The following MAGI1 variants were observed in gnomAD, a reference collection of about 807,000 sequenced individuals.
MAGI1 encodes the protein membrane associated guanylate kinase, WW and PDZ domain containing 1.
MAGI1 carries 58 observed loss-of-function variants against 139.9 expected under a neutral mutation model. The ratio of observed to expected loss-of-function variants is 0.41; its 90% confidence interval spans 0.34 to 0.52. The LOEUF is 0.52. MAGI1 is among the 20% of genes least tolerant of loss of function. The pLI, the probability that MAGI1 is intolerant of heterozygous loss-of-function variation, is 0.12. For missense variants in MAGI1, 1,874 were observed against 1,901.6 expected, an observed-to-expected ratio of 0.99 and a Z score of 0.27; for synonymous variants, 812 against 737.9, an observed-to-expected ratio of 1.10 and a Z score of -1.63.
intron 1 of MAGI1, among the ~76,000 whole-genome samples, chr3:66,016,015 C>T (rs1338615287): frequency 6.6e-6 from 1 of 152,076 alleles, no homozygotes; most frequent in Non-Finnish European, 1.5e-5. Flanking sequence ...TTTGGTCCAA[C>T]AAATTCAGCT....
intron 1 of MAGI1, among the ~76,000 whole-genome samples, chr3:65,845,312 A>G (rs1559936486): frequency 6.6e-6 from 1 of 152,112 alleles, no homozygotes; most frequent in Non-Finnish European, 1.5e-5. Flanking sequence ...ATCCTTGGGC[A>G]CATAGAGTGT....
At chr3:65,937,549 G>A (rs1335825861) in intron 1 of MAGI1, among the ~76,000 whole-genome samples, 7 of 152,200 alleles carry the variant, frequency 4.6e-5, no homozygotes, top group African/African-American at 9.6e-5. Flanking sequence ...CACAGGCACC[G>A]GCAGCCTCTG....
chr3:65,574,362 A>C (rs1489367589), intron 2 of MAGI1, among the ~76,000 whole-genome samples: 2 of 151,112 alleles, frequency 1.3e-5, no homozygotes, highest in African/African-American at 4.9e-5. Flanking sequence ...AAAAATTTTA[A>C]CACAGCATTT....
chr3:65,967,571 T>C (rs912831278), intron 1 of MAGI1, among the ~76,000 whole-genome samples: 1 of 152,204 alleles, frequency 6.6e-6, no homozygotes, highest in Non-Finnish European at 1.5e-5. Flanking sequence ...GCTGTAAAAC[T>C]GGGTCCTCTG....
At chr3:65,707,028 C>T (rs1024385851) in intron 1 of MAGI1, among the ~76,000 whole-genome samples, 5 of 152,104 alleles carry the variant, frequency 3.3e-5, no homozygotes, top group Admixed American at 3.3e-4. Context: ...GCATGGCAGT[C>T]GGATAAACTA....
intron 1 of MAGI1, among the ~76,000 whole-genome samples, chr3:65,629,998 T>C (rs548904543): frequency 1.1e-3 from 163 of 152,318 alleles, no homozygotes; most frequent in African/African-American, 3.7e-3. Context: ...ATTTTAAAAA[T>C]ACACAAACGT....
chr3:65,432,173 T>G (rs991018233), intron 10 of MAGI1, among the ~76,000 whole-genome samples: 1 of 152,172 alleles, frequency 6.6e-6, no homozygotes, highest in Non-Finnish European at 1.5e-5. Context: ...AGAAACTTAC[T>G]GGAACTTCTC....
intron 1 of MAGI1, among the ~76,000 whole-genome samples, chr3:65,835,208 G>T (rs528802915): frequency 1.6e-4 from 24 of 152,028 alleles, no homozygotes; most frequent in Non-Finnish European, 2.6e-4. Flanking sequence ...TTTTTTAAAA[G>T]CTCTATTTTG....
intron 1 of MAGI1, among the ~76,000 whole-genome samples, chr3:65,815,183 G>T (rs1057385145): frequency 2.0e-5 from 3 of 152,192 alleles, no homozygotes; most frequent in Admixed American, 6.6e-5. Flanking sequence ...GGACTGAATA[G>T]AAGTTCCTTT....
Position 65,639,420 on chromosome 3 carries a change from C to T in MAGI1, c.314-17332G>A, listed in dbSNP as rs867053105. ...AATAACGAAATAGAAGAACTCTGGG[C>T]AAGGAGTCAGGGGGCCTGGATTTGA... On this transcript the variant is annotated intron_variant, in intron 1 of 22. Transcript: ENST00000402939. 6.6e-5 allele frequency among the ~76,000 whole-genome samples: 10 copies of T among 152,080 alleles called. No homozygotes were observed. The South Asian group carries it at 1.0e-3, about 16-fold the overall frequency.
chr3:65,834,777 T>C (rs534887168), intron 1 of MAGI1, among the ~76,000 whole-genome samples: 101 of 152,362 alleles, frequency 6.6e-4, no homozygotes, highest in Admixed American at 1.6e-3. Flanking sequence ...TGCATAGGCA[T>C]TTAGAATTGC....
intron 1 of MAGI1, among the ~76,000 whole-genome samples, chr3:65,737,240 C>T (rs1262795464): frequency 2.6e-5 from 4 of 152,166 alleles, no homozygotes; most frequent in Non-Finnish European, 4.4e-5. Context: ...CTCCTGACCT[C>T]GTGATCCACC....
At chr3:65,486,568 T>C (rs1430459647) in intron 3 of MAGI1, among the ~76,000 whole-genome samples, 2 of 152,212 alleles carry the variant, frequency 1.3e-5, no homozygotes, top group African/African-American at 2.4e-5. Flanking sequence ...AGTGCCACAA[T>C]TAGGAAGTTG....
At chr3:65,584,360 T>C (rs2081576083) in intron 2 of MAGI1, among the ~76,000 whole-genome samples, 1 of 152,086 alleles carries the variant, frequency 6.6e-6, no homozygotes, top group African/African-American at 2.4e-5. Context: ...CCTGGTTTCT[T>C]GGAGAAAGAA....
intron 1 of MAGI1, among the ~76,000 whole-genome samples, chr3:65,644,038 T>G (rs1038830763): frequency 2.0e-5 from 3 of 152,118 alleles, no homozygotes; most frequent in African/African-American, 7.2e-5. Flanking sequence ...CTGCCCCACA[T>G]AGCAGTAATA....
intron 1 of MAGI1, among the ~76,000 whole-genome samples, chr3:65,627,707 C>T (rs1011942159): frequency 2.0e-5 from 3 of 151,432 alleles, no homozygotes; most frequent in African/African-American, 7.3e-5. Flanking sequence ...GGGGTTTCAC[C>T]GTGCTAGCCA....
chr3:66,033,908 C>T (rs756858505), intron 1 of MAGI1, among the ~76,000 whole-genome samples: 3 of 152,176 alleles, frequency 2.0e-5, no homozygotes, highest in Admixed American at 6.5e-5. Flanking sequence ...AAGGATTTCA[C>T]GAGCACAAAT....
chr3:65,851,283 A>T (rs2059192734), intron 1 of MAGI1, among the ~76,000 whole-genome samples: 1 of 152,154 alleles, frequency 6.6e-6, no homozygotes, highest in Non-Finnish European at 1.5e-5. Flanking sequence ...TCATATACAT[A>T]AAAGTGCTCT....
At chr3:65,703,359 G>A (rs1229255245) in intron 1 of MAGI1, among the ~76,000 whole-genome samples, 1 of 152,002 alleles carries the variant, frequency 6.6e-6, no homozygotes, top group Non-Finnish European at 1.5e-5. Context: ...AGATTGCCCT[G>A]GACAAGTTTT....
Sources: allele counts gnomAD v4.1 joint callset (sites outside exome capture counted in the v4.1 genomes callset), GRCh38; gene constraint gnomAD v4.1.1; transcripts MANE v1.5; gene names NCBI Gene and HGNC (gene_info 2026-07-23, HGNC 2026-07-21).